Variants in HS1BP3 observed in about 807,000 individuals in gnomAD.
HS1BP3 encodes HCLS1-binding protein 3.
Under a neutral mutation model 33.5 loss-of-function variants are expected in HS1BP3, and 32 were observed. The ratio of observed to expected loss-of-function variants is 0.95; its 90% CI spans 0.72 to 1.28. HS1BP3 has a LOEUF of 1.28. Ranked by LOEUF, HS1BP3 falls within the 50% of genes most tolerant of loss-of-function variation. The probability of loss-of-function intolerance (pLI) is 0.00; values close to 1 mark genes in which losing one functional copy is unlikely to be tolerated. For synonymous variants in HS1BP3, 187 were observed against 209.2 expected (o/e 0.89, Z 0.92); for missense variants, 486 against 502.3 (o/e 0.97, Z 0.31).
At chr2:20,609,255 C>G (rs1021826835) in intron 2 of HS1BP3, among the ~76,000 whole-genome samples, 19 of 152,330 alleles carry the variant, frequency 1.2e-4, no homozygotes, top group African/African-American at 4.6e-4. Flanking sequence ...TCTCAGGGCT[C>G]TAGTCCTCGC....
At chr2:20,642,234 G>A (rs1695375735) in intron 2 of HS1BP3, among the ~76,000 whole-genome samples, 2 of 152,208 alleles carry the variant, frequency 1.3e-5, no homozygotes, top group Admixed American at 1.3e-4. Context: ...CAGGGGCTGC[G>A]GGCATCTGAC....
chr2:20,569,010 C>A (rs1336417481), intron 5 of HS1BP3, among the ~76,000 whole-genome samples: 2 of 152,178 alleles, frequency 1.3e-5, no homozygotes, highest in Non-Finnish European at 2.9e-5. Context: ...AAGCAGAGTA[C>A]TGGTCGACTT....
At chr2:20,578,282 G>A (rs548419790) in intron 5 of HS1BP3, among the ~76,000 whole-genome samples, 154 of 152,282 alleles carry the variant, frequency 1.0e-3, no homozygotes, top group African/African-American at 3.3e-3. Flanking sequence ...AGGCGGGATG[G>A]GATGCAGTCT....
intron 2 of HS1BP3, among the ~76,000 whole-genome samples, chr2:20,606,996 T>C (rs952533045): frequency 6.6e-6 from 1 of 152,158 alleles, no homozygotes; most frequent in African/African-American, 2.4e-5. Flanking sequence ...TTTGGCCGCT[T>C]GTGCTCTTGG....
intron 3 of HS1BP3, among the ~76,000 whole-genome samples, chr2:20,597,405 A>G (rs377019205): frequency 6.6e-6 from 1 of 152,208 alleles, no homozygotes; most frequent in East Asian, 1.9e-4. Flanking sequence ...TCCAGGTGAC[A>G]TGGGCCTTCC....
At chr2:20,564,302 C>T (rs1380235654) in intron 5 of HS1BP3, among the ~76,000 whole-genome samples, 4 of 152,210 alleles carry the variant, frequency 2.6e-5, no homozygotes, top group Non-Finnish European at 4.4e-5. Context: ...GCTGTGACTC[C>T]GACAGAGACT....
chr2:20,563,655 TTCTGCTTCACAAAGC>T (rs1693056633), intron 5 of HS1BP3, among the ~76,000 whole-genome samples: 1 of 152,144 alleles, frequency 6.6e-6, no homozygotes, highest in East Asian at 1.9e-4. Context: ...TTGGACTTCG[TTCTGCTTCACAAAGC>T]TCACCAGTAC....
chr2:20,636,437 G>A (rs978825269), intron 4 of HS1BP3: 8 of 152,304 alleles, frequency 5.3e-5, no homozygotes, highest in African/African-American at 1.9e-4. Context: ...GTGGGGTCCT[G>A]GCTCTGCCAT....
Position 20,619,129 on chromosome 2 carries a change from A to T in HS1BP3, c.1037T>A (p.Val346Asp). ...TTCAGCCGGGCCCGCTTTGGGGGGA[A>T]CAGCTGGTTTTCTGGGTATCACCGG... ...AKPVIPRKPA[V>D]PPKAGPAEAV... The change falls in exon 7 of 7, where the codon GTT (valine) becomes GAT (aspartate). Residue 346 changes from valine to aspartate, a missense_variant. Val to Asp is a radical substitution (Grantham distance 152, BLOSUM62 -3). Transcript: ENST00000304031. 6.2e-7 allele frequency: 1 copy of T among 1,613,374 alleles called. No individual in the cohort carries two copies.
intron 5 of HS1BP3, among the ~76,000 whole-genome samples, chr2:20,571,298 G>A (rs147013283): frequency 6.6e-6 from 1 of 152,198 alleles, no homozygotes; most frequent in African/African-American, 2.4e-5. Flanking sequence ...AGGCTGGGGA[G>A]CAAGCTCTAG....
downstream of HS1BP3, among the ~76,000 whole-genome samples, chr2:20,557,222 T>C (rs984569919): frequency 2.0e-5 from 3 of 152,222 alleles, no homozygotes; most frequent in Non-Finnish European, 4.4e-5. Flanking sequence ...GCAAGTGACC[T>C]CTTTTTTTAT....
chr2:20,577,646 T>C (rs930232885), intron 5 of HS1BP3, among the ~76,000 whole-genome samples: 1 of 152,120 alleles, frequency 6.6e-6, no homozygotes, highest in Admixed American at 6.5e-5. Context: ...TGTCTGTGGC[T>C]GCAGCCTGGG....
chr2:20,571,775 C>T (rs1178057213), intron 5 of HS1BP3, among the ~76,000 whole-genome samples: 3 of 152,228 alleles, frequency 2.0e-5, no homozygotes, highest in Non-Finnish European at 4.4e-5. Context: ...TGCCCCAGGT[C>T]CACCTGCTCA....
At chr2:20,606,739 G>A (rs140491314) in intron 2 of HS1BP3, 5,510 of 219,966 alleles carry the variant, frequency 0.025, 127 homozygotes, top group South Asian at 0.078. Context: ...TCATGTGTTT[G>A]TTGTCCTTTG....
chr2:20,568,179 A>G (rs1243800367), intron 5 of HS1BP3, among the ~76,000 whole-genome samples: 2 of 152,136 alleles, frequency 1.3e-5, no homozygotes, highest in Non-Finnish European at 2.9e-5. Context: ...CTAGCAGGAG[A>G]AAGAGCCTCA....
At chr2:20,595,614 C>T (rs1278010219) in intron 3 of HS1BP3, among the ~76,000 whole-genome samples, 1 of 152,250 alleles carries the variant, frequency 6.6e-6, no homozygotes, top group East Asian at 1.9e-4. Context: ...GCAGCCTGCT[C>T]TGTGCTGCGG....
chr2:20,594,509 G>C (rs191909417), intron 3 of HS1BP3, among the ~76,000 whole-genome samples: 6 of 152,326 alleles, frequency 3.9e-5, no homozygotes, highest in African/African-American at 1.2e-4. Context: ...TTGCAGGGCA[G>C]TTAGGCTAGG....
At chr2:20,627,418 G>A (rs1418450700) in intron 4 of HS1BP3, among the ~76,000 whole-genome samples, 1 of 152,266 alleles carries the variant, frequency 6.6e-6, no homozygotes, top group Non-Finnish European at 1.5e-5. Context: ...AGAGAGGGAA[G>A]CGAGCCATCT....
chr2:20,628,258 G>A (rs1694854638), intron 4 of HS1BP3, among the ~76,000 whole-genome samples: 1 of 152,156 alleles, frequency 6.6e-6, no homozygotes, highest in African/African-American at 2.4e-5. Context: ...AGCCGCCGCT[G>A]TCCCCAGAAG....
Sources: allele counts gnomAD v4.1 joint callset (sites outside exome capture counted in the v4.1 genomes callset), GRCh38; gene constraint gnomAD v4.1.1; transcripts MANE v1.5; gene names NCBI Gene and HGNC (gene_info 2026-07-23, HGNC 2026-07-21).